Variants in BICRAL observed in about 807,000 individuals in gnomAD.
The protein encoded by BICRAL is BICRA like chromatin remodeling complex associated protein, also known as BRD4-interacting chromatin-remodeling complex-associated protein-like.
A neutral mutation model predicts 91.8 loss-of-function variants in BICRAL; 8 were observed. The observed-to-expected ratio is 0.09, with a 90% CI of 0.05 to 0.16. BICRAL has a LOEUF of 0.16. BICRAL is among the 10% of genes least tolerant of loss of function. BICRAL has a pLI of 1.00. For missense variants in BICRAL, 1,038 were observed against 1,310.9 expected, an observed-to-expected ratio of 0.79 and a Z score of 3.21; for synonymous variants, 445 against 491.1, an observed-to-expected ratio of 0.91 and a Z score of 1.24.
At chr6:42,782,623 G>A (rs1762950359) in intron 1 of BICRAL, among the ~76,000 whole-genome samples, 1 of 151,760 alleles carries the variant, frequency 6.6e-6, no homozygotes, top group African/African-American at 2.4e-5. Flanking sequence ...CCCGGGAAGG[G>A]GGTGGCGTGG....
intron 1 of BICRAL, among the ~76,000 whole-genome samples, chr6:42,796,105 T>C (rs1209932727): frequency 2.0e-5 from 3 of 152,208 alleles, no homozygotes; most frequent in Non-Finnish European, 4.4e-5. Context: ...CCAGGTGCCA[T>C]TCTAGGCTCC....
intron 1 of BICRAL, among the ~76,000 whole-genome samples, chr6:42,801,079 C>T (rs1286775383): frequency 2.0e-5 from 3 of 151,736 alleles, no homozygotes; most frequent in Non-Finnish European, 2.9e-5. Flanking sequence ...ATGGTGAAAC[C>T]CTGTCTCTAC....
At chr6:42,788,734 A>G (rs3997653) in intron 1 of BICRAL, among the ~76,000 whole-genome samples, 72,351 of 152,034 alleles carry the variant, frequency 0.48, 18,891 homozygotes, top group African/African-American at 0.7. Context: ...GGTAGTGGAT[A>G]ATTTCAGGAA....
intron 6 of BICRAL, among the ~76,000 whole-genome samples, chr6:42,846,234 G>A (rs1043781194): frequency 8.6e-5 from 13 of 151,808 alleles, no homozygotes; most frequent in African/African-American, 3.1e-4. Flanking sequence ...AATTAGCCGG[G>A]CGTGGTGGCT....
At chr6:42,833,541 G>A (rs924504408) in intron 6 of BICRAL, among the ~76,000 whole-genome samples, 4 of 151,708 alleles carry the variant, frequency 2.6e-5, no homozygotes, top group Non-Finnish European at 5.9e-5. Context: ...TCCACCTCCT[G>A]GGTTCAAGCA....
chr6:42,822,473 T>G (rs892248328), intron 3 of BICRAL, among the ~76,000 whole-genome samples: 2 of 151,164 alleles, frequency 1.3e-5, no homozygotes, highest in African/African-American at 2.4e-5. Flanking sequence ...GGTCTCCAAC[T>G]CCTAGACTGA....
chr6:42,805,218 G>A (rs1023124765), intron 1 of BICRAL, among the ~76,000 whole-genome samples: 1 of 152,218 alleles, frequency 6.6e-6, no homozygotes, highest in African/African-American at 2.4e-5. Context: ...GGGAGAGGAA[G>A]AAGAGCATTT....
intron 1 of BICRAL, among the ~76,000 whole-genome samples, chr6:42,787,536 G>GA (rs35516791): frequency 3.3e-4 from 48 of 146,460 alleles, no homozygotes; most frequent in East Asian, 9.8e-4. Context: ...TCTGTGTGGG[G>GA]AAAAAAAAAA....
chr6:42,838,774 A>G (rs1489585789), intron 6 of BICRAL, among the ~76,000 whole-genome samples: 1 of 152,196 alleles, frequency 6.6e-6, no homozygotes, highest in Non-Finnish European at 1.5e-5. Context: ...CAGCCAGGCC[A>G]ACATGGCAAA....
intron 1 of BICRAL, among the ~76,000 whole-genome samples, chr6:42,796,535 T>C (rs183556238): frequency 1.9e-3 from 296 of 152,202 alleles, no homozygotes; most frequent in Middle Eastern, 6.8e-3. Flanking sequence ...TGAAGGTTCA[T>C]TGGAGAGTTT....
At chr6:42,853,043 C>T (rs573811100) in intron 7 of BICRAL, among the ~76,000 whole-genome samples, 29 of 135,618 alleles carry the variant, frequency 2.1e-4, no homozygotes, top group East Asian at 4.3e-4. Flanking sequence ...CCAGCCTGGG[C>T]GACAGAACAA....
At chr6:42,816,557 G>A (rs1764000808) in intron 2 of BICRAL, among the ~76,000 whole-genome samples, 1 of 152,076 alleles carries the variant, frequency 6.6e-6, no homozygotes, top group Admixed American at 6.6e-5. Flanking sequence ...CTACCAAGTA[G>A]CTGGGACTAA....
At chr6:42,855,774 A>G (rs1350668694) in intron 8 of BICRAL, 82 bp from the exon 9 acceptor site, 5 of 1,071,950 alleles carry the variant, frequency 4.7e-6, no homozygotes, top group Non-Finnish European at 5.7e-6. Context: ...AGTTGAAAAT[A>G]TGTGAACTAT....
chr6:42,828,835 G>T lies in BICRAL; in HGVS notation c.502G>T (p.Val168Leu). 1.2e-6 allele frequency: 2 copies of T among 1,614,176 alleles called. No individual in the cohort carries two copies. The highest frequency in any genetic ancestry group is 1.7e-6 in the Non-Finnish European group (2 of 1,180,034). ...YSGQTLQPIG[V>L]THVPVGASFA... ...AGGTCAGACGCTGCAGCCTATAGGG[G>T]TGACGCATGTGCCTGTTGGAGCATC... is the stretch of plus-strand genomic sequence containing the variant. The change falls in exon 6 of 13, where the codon GTG becomes TTG. Residue 168 changes from valine to leucine, a missense_variant. Physicochemically the swap from Val to Leu is conservative, Grantham distance 32. Transcript: ENST00000314073.
intron 1 of BICRAL, among the ~76,000 whole-genome samples, chr6:42,783,578 C>G (rs929359144): frequency 6.6e-6 from 1 of 152,124 alleles, no homozygotes; most frequent in Non-Finnish European, 1.5e-5. Flanking sequence ...CCGCGAGGCC[C>G]GGGGCTAGCG....
chr6:42,778,091 A>G (rs540868148), upstream of BICRAL, among the ~76,000 whole-genome samples: 54 of 152,316 alleles, frequency 3.5e-4, no homozygotes, highest in African/African-American at 1.3e-3. Flanking sequence ...AATAATTACA[A>G]TTTTGGTTGT....
At chr6:42,778,348 GC>G (rs998353791), upstream of BICRAL, among the ~76,000 whole-genome samples, 48 of 152,290 alleles carry the variant, frequency 3.2e-4, no homozygotes, top group African/African-American at 1.2e-3. Flanking sequence ...TCTCCTGTCT[GC>G]CCTTATTAGA....
intron 10 of BICRAL, among the ~76,000 whole-genome samples, chr6:42,857,614 A>AAAAAAAAAAAAAATATATAT: frequency 2.8e-4 from 27 of 96,210 alleles, no homozygotes; most frequent in African/African-American, 1.7e-3. Flanking sequence ...AAAAAAAAAA[A>AAAAAAAAAAAAAATATATAT]ATATATATAT....
intron 6 of BICRAL, among the ~76,000 whole-genome samples, chr6:42,845,095 A>G (rs556254263): frequency 1.3e-5 from 2 of 148,536 alleles, no homozygotes; most frequent in African/African-American, 5.0e-5. Flanking sequence ...ACACTGATCT[A>G]TCATGTTTCT....
Sources: gnomAD v4.1 joint callset for allele counts (sites outside exome capture counted in the v4.1 genomes callset) on GRCh38, gnomAD v4.1.1 for gene constraint, MANE v1.5 for transcripts, NCBI Gene and HGNC (gene_info 2026-07-23, HGNC 2026-07-21) for gene names.